Variants in PPARGC1B observed in about 807,000 individuals in gnomAD.
PPARGC1B encodes PPARG coactivator 1 beta.
Under a neutral mutation model 101.6 loss-of-function variants are expected in PPARGC1B, and 34 were observed. The observed-to-expected ratio is 0.33, with a 90% CI of 0.25 to 0.45. The LOEUF (loss-of-function observed/expected upper bound fraction) is 0.45. Among genes scored for constraint, PPARGC1B ranks in the 20% least tolerant of loss-of-function variants. The pLI is 1.00. For missense variants in PPARGC1B, 1,234 were observed against 1,317.6 expected, an observed-to-expected ratio of 0.94 and a Z score of 0.98; for synonymous variants, 548 against 539.3, an observed-to-expected ratio of 1.02 and a Z score of -0.22.
intron 1 of PPARGC1B, among the ~76,000 whole-genome samples, chr5:149,804,292 G>A (rs1469974543): frequency 8.3e-6 from 1 of 121,078 alleles, no homozygotes; most frequent in Non-Finnish European, 1.9e-5. Context: ...CCAGGTGCTG[G>A]GACTCAGCAA....
Position 149,730,731 on chromosome 5 carries a change from G to A in PPARGC1B, c.78+311G>A, listed in dbSNP as rs1754424158. ...CGCGCTTCCTTTGGGAGGTGGAGGC[G>A]CGCCACGGTGTGGGGTACCCTCAGG... On this transcript the variant is annotated intron_variant, in intron 1 of 11. Coordinates refer to ENST00000309241, the MANE Select transcript of PPARGC1B (RefSeq NM_133263.4). The surrounding 1 kb of genome is among the most constrained non-coding windows in gnomAD (Gnocchi z 4.0). Among the ~76,000 whole-genome samples, 1 of 152,184 alleles carries A rather than the reference G, an allele frequency of 6.6e-6. No homozygotes were observed. Among genetic ancestry groups the A allele is most frequent in the Admixed American group, 6.5e-5 (1 of 15,292 alleles).
chr5:149,743,048 A>G (rs1184014878), intron 1 of PPARGC1B, among the ~76,000 whole-genome samples: 1 of 152,048 alleles, frequency 6.6e-6, no homozygotes. Flanking sequence ...CCATTTATTC[A>G]GGGCCCACTG....
intron 1 of PPARGC1B, among the ~76,000 whole-genome samples, chr5:149,735,293 C>T (rs890675797): frequency 6.6e-6 from 1 of 152,164 alleles, no homozygotes; most frequent in Non-Finnish European, 1.5e-5. Flanking sequence ...GCCCCACGGG[C>T]TCATATTTCC....
intron 1 of PPARGC1B, among the ~76,000 whole-genome samples, chr5:149,775,464 C>T (rs558122557): frequency 1.3e-5 from 2 of 152,224 alleles, no homozygotes; most frequent in Middle Eastern, 3.4e-3. Context: ...GGATAAAGGT[C>T]GTGACTGAGA....
intron 1 of PPARGC1B, among the ~76,000 whole-genome samples, chr5:149,744,256 C>G (rs138037228): frequency 6.6e-6 from 1 of 152,306 alleles, no homozygotes; most frequent in Non-Finnish European, 1.5e-5. Flanking sequence ...GCACATGGTT[C>G]TTACAAGCTT....
intron 1 of PPARGC1B, among the ~76,000 whole-genome samples, chr5:149,778,728 GCACC>G (rs1485871860): frequency 4.6e-5 from 7 of 152,120 alleles, no homozygotes; most frequent in African/African-American, 1.7e-4. Flanking sequence ...TCCCCTACCA[GCACC>G]CCAGGCCACA....
intron 1 of PPARGC1B, among the ~76,000 whole-genome samples, chr5:149,816,386 C>T (rs1370809212): frequency 1.3e-5 from 2 of 152,206 alleles, no homozygotes; most frequent in Non-Finnish European, 2.9e-5. Context: ...AATCCATTAT[C>T]CTCTTTGGGT....
chr5:149,755,807 C>T (rs956853516), intron 1 of PPARGC1B, among the ~76,000 whole-genome samples: 5 of 151,946 alleles, frequency 3.3e-5, no homozygotes, highest in Admixed American at 1.3e-4. Flanking sequence ...CCATGCCCAG[C>T]TAATTTTTGT....
chr5:149,741,431 C>T (rs1754901039), intron 1 of PPARGC1B, among the ~76,000 whole-genome samples: 1 of 152,198 alleles, frequency 6.6e-6, no homozygotes, highest in Non-Finnish European at 1.5e-5. Context: ...CTTTATGCTG[C>T]TAGCAGTCCC....
rs979056472 is a variant in PPARGC1B, at chr5:149,836,865, T to A, written c.2410T>A (p.Phe804Ile). 1.1e-5 allele frequency: 17 copies of A among 1,612,840 alleles called. No individual in the cohort carries two copies. The highest frequency in any genetic ancestry group is 1.3e-5 in the African/African-American group (1 of 74,884). ...CAGCAGCAGCAGCGGCGAGAGCAGCTTCCTCCCAGAGGAGGAAGAGGAAGA... is the reference window on the plus strand; with the variant it reads ...CAGCAGCAGCAGCGGCGAGAGCAGCATCCTCCCAGAGGAGGAAGAGGAAGA... ...DSSSSSGESS[F>I]LPEEEEEEGE... The change falls in exon 8 of 12, where the codon TTC (phenylalanine) becomes ATC (isoleucine). Residue 804 changes from phenylalanine (F) to isoleucine (I), a missense_variant. Around this residue, in one of 3 missense-constraint regions of PPARGC1B, gnomAD observed 497 missense variants for 529.5 expected, o/e 0.94. Coordinates refer to ENST00000309241, the MANE Select transcript of PPARGC1B (RefSeq NM_133263.4).
chr5:149,759,883 A>G (rs1446826405), intron 1 of PPARGC1B, among the ~76,000 whole-genome samples: 2 of 152,212 alleles, frequency 1.3e-5, no homozygotes, highest in African/African-American at 4.8e-5. Flanking sequence ...TAAGTCAGGC[A>G]GCTTGTTAGT....
At chr5:149,750,132 T>A (rs189636991) in intron 1 of PPARGC1B, among the ~76,000 whole-genome samples, 1 of 152,230 alleles carries the variant, frequency 6.6e-6, no homozygotes, top group East Asian at 1.9e-4. Context: ...TGGGATCATG[T>A]GCCTTAAACG....
Position 149,836,927 on chromosome 5 carries a change from C to G in PPARGC1B, c.2472C>G (p.Asp824Glu). 1.2e-6 allele frequency: 2 copies of G among 1,613,820 alleles called. No individual in the cohort carries two copies. The highest frequency in any genetic ancestry group is 1.7e-6 in the Non-Finnish European group (2 of 1,180,010). ...AGGAGGAGGACGATGAAGAAGAGGACTCAGGGGTCAGCCCCACTTGCTCTG... is the reference window on the plus strand; with the variant it reads ...AGGAGGAGGACGATGAAGAAGAGGAGTCAGGGGTCAGCCCCACTTGCTCTG... ...EEEEEDDEEE[D>E]SGVSPTCSDH... is the part of the protein sequence containing the mutation. The change falls in exon 8 of 12, where the codon GAC becomes GAG. Residue 824 changes from aspartate to glutamate, a missense_variant. Physicochemically the swap from Asp to Glu is conservative, Grantham distance 45. Coordinates refer to ENST00000309241, the MANE Select transcript of PPARGC1B (RefSeq NM_133263.4).
intron 1 of PPARGC1B, among the ~76,000 whole-genome samples, chr5:149,818,014 C>T (rs1357675305): frequency 6.6e-6 from 1 of 152,174 alleles, no homozygotes; most frequent in Non-Finnish European, 1.5e-5. Flanking sequence ...TCTGCTTGGG[C>T]ACGAAGGAGA....
intron 11 of PPARGC1B, chr5:149,846,187 A>G: frequency 1.7e-6 from 1 of 578,020 alleles, no homozygotes; most frequent in South Asian, 2.4e-5. Context: ...TCATGTGCAC[A>G]GCCAGCTGGC....
chr5:149,777,784 AACACACACAC>A (rs4039101), intron 1 of PPARGC1B, among the ~76,000 whole-genome samples: 13 of 91,058 alleles, frequency 1.4e-4, no homozygotes, highest in East Asian at 1.1e-3. Flanking sequence ...CTGTCTTTGT[AACACACACAC>A]ACACACACAC....
intron 1 of PPARGC1B, among the ~76,000 whole-genome samples, chr5:149,805,261 G>T (rs1757557877): frequency 6.6e-6 from 1 of 152,174 alleles, no homozygotes; most frequent in Non-Finnish European, 1.5e-5. Flanking sequence ...TTGGGGAGTG[G>T]TTTCTTAGTC....
chr5:149,803,493 G>A (rs1757497683), intron 1 of PPARGC1B, among the ~76,000 whole-genome samples: 1 of 152,210 alleles, frequency 6.6e-6, no homozygotes, highest in South Asian at 2.1e-4. Flanking sequence ...GGGCAGGAAA[G>A]TGGGTTCTCG....
At chr5:149,759,011 T>A (rs922772114) in intron 1 of PPARGC1B, among the ~76,000 whole-genome samples, 1 of 152,212 alleles carries the variant, frequency 6.6e-6, no homozygotes, top group Non-Finnish European at 1.5e-5. Context: ...ACTGCAGATA[T>A]ACCCTTTCAA....
Sources: gnomAD v4.1 joint callset for allele counts (sites outside exome capture counted in the v4.1 genomes callset) on GRCh38, gnomAD v4.1.1 for gene constraint, gnomAD v4.1.1 regional missense constraint, Gnocchi (gnomAD v3.1) non-coding constraint, MANE v1.5 for transcripts, NCBI Gene and HGNC (gene_info 2026-07-23, HGNC 2026-07-21) for gene names.